Variants in CHD7 observed in about 807,000 individuals in gnomAD.
CHD7 encodes the protein chromodomain helicase DNA binding protein 7, also known as ATP-dependent chromatin remodeler CHD7.
CHD7 carries 24 observed loss-of-function variants against 307.3 expected under a neutral mutation model. That is an observed-to-expected ratio of 0.08 (90% confidence interval 0.06 to 0.11). CHD7 has a LOEUF of 0.11. CHD7 is among the 10% of genes least tolerant of loss of function. CHD7 has a pLI of 1.00. For missense variants in CHD7, 3,106 were observed against 3,727.1 expected (o/e 0.83, Z 4.34); for synonymous variants, 1,363 against 1,349.9 (o/e 1.01, Z -0.21).
At chr8:60,711,455 C>G (rs1807276459) in intron 1 of CHD7, among the ~76,000 whole-genome samples, 1 of 152,130 alleles carries the variant, frequency 6.6e-6, no homozygotes. Context: ...TTTCTGAGTA[C>G]TGATGAAAAC....
intron 19 of CHD7, 130 bp downstream of exon 19, chr8:60,838,385 C>A: frequency 1.2e-6 from 1 of 800,952 alleles, no homozygotes; most frequent in Non-Finnish European, 2.0e-6. Flanking sequence ...CCCTGTGGAA[C>A]CCCTGGCACA....
chr8:60,797,561 C>A (rs1460753023), intron 4 of CHD7, among the ~76,000 whole-genome samples: 2 of 152,146 alleles, frequency 1.3e-5, no homozygotes, highest in South Asian at 4.1e-4. Context: ...ACTTATATGG[C>A]ACAACACTGT....
intron 25 of CHD7, among the ~76,000 whole-genome samples, chr8:60,850,074 A>C (rs74618995): frequency 0.015 from 2,282 of 152,256 alleles, 58 homozygotes; most frequent in African/African-American, 0.052. Context: ...TCAGCCAGCC[A>C]TGCGAGTTCC....
At chr8:60,781,528 C>T (rs1027524513) in intron 3 of CHD7, 98 bp downstream of exon 3, 2 of 1,398,614 alleles carry the variant, frequency 1.4e-6, no homozygotes, top group Non-Finnish European at 1.9e-6. Flanking sequence ...GGAGGGGACA[C>T]AATGATTTTT....
At chr8:60,838,768 C>G (rs530433107) in intron 19 of CHD7, among the ~76,000 whole-genome samples, 1 of 152,242 alleles carries the variant, frequency 6.6e-6, no homozygotes, top group Non-Finnish European at 1.5e-5. Context: ...CAGCTTGCAC[C>G]TGTTCCCTGC....
At chr8:60,784,343 C>T (rs1811393312) in intron 3 of CHD7, among the ~76,000 whole-genome samples, 1 of 152,112 alleles carries the variant, frequency 6.6e-6, no homozygotes, top group Non-Finnish European at 1.5e-5. Context: ...AATTTTCCTA[C>T]AGAGAGCTAA....
At chr8:60,714,585 A>G (rs1293355371) in intron 1 of CHD7, among the ~76,000 whole-genome samples, 3 of 152,076 alleles carry the variant, frequency 2.0e-5, no homozygotes, top group African/African-American at 4.8e-5. Flanking sequence ...GCTTCTCGAA[A>G]TGGCCACACT....
At position 60,753,915 on chromosome 8, in the gene CHD7, G is replaced by A. The variant is rs571640355; in HGVS notation, c.1665+10818G>A. 1.2e-4 allele frequency among the ~76,000 whole-genome samples: 18 copies of A among 152,122 alleles called. 1 individual carries two copies. Among genetic ancestry groups the A allele is most frequent in the South Asian group, 4.2e-4 (2 of 4,816 alleles). ...GCTGGGTTTACAGGTGTGAGCCACC[G>A]CGCCCTGCTGCAAATCATTAAATCA... is the stretch of plus-strand genomic sequence containing the variant. On this transcript the variant is annotated intron_variant, in intron 2 of 37. Transcript: ENST00000423902.
In CHD7 at chr8:60,844,917, C is replaced by T; in HGVS notation, c.4904C>T (p.Thr1635Ile). Residue 1635 changes from threonine to isoleucine, a missense_variant, in exon 22 of 38, where the codon ACT becomes ATT. Physicochemically the swap from Thr to Ile is moderately conservative, Grantham distance 89 (BLOSUM62 -1). Coordinates refer to ENST00000423902, the MANE Select transcript of CHD7 (RefSeq NM_017780.4). The part of the protein sequence containing the change: ...LSHGRYKRQL[T>I]EQDVETICRT... ...CACGGACGCTATAAACGCCAACTCA[C>T]TGAGCAAGATGTAGAAACCATCTGC... 6.2e-7 allele frequency: 1 copy of T among 1,613,038 alleles called. No individual in the cohort carries two copies.
At position 60,822,605 on chromosome 8, in the gene CHD7, A is replaced by G. The variant is rs1176988572; in HGVS notation, c.3060A>G (p.Leu1020=). The G allele has an allele frequency of 6.2e-7, 1 of 1,613,746 alleles. No homozygotes were observed. The highest frequency in any genetic ancestry group is 2.2e-5 in the East Asian group (1 of 44,890). Residue 1020 remains leucine, a synonymous_variant, in exon 12 of 38, where the codon TTA becomes TTG. Coordinates refer to ENST00000423902, the MANE Select transcript of CHD7 (RefSeq NM_017780.4). The part of the protein sequence containing the change: ...IYLKGIHGPF[L]VIAPLSTIPN... ...TGAAAGGAATCCATGGCCCTTTTTTAGTAATTGCCCCATTGTCCACAATCC... is the reference window on the plus strand; with the variant it reads ...TGAAAGGAATCCATGGCCCTTTTTTGGTAATTGCCCCATTGTCCACAATCC...
chr8:60,846,251 G>A (rs1805207649), intron 23 of CHD7, among the ~76,000 whole-genome samples: 1 of 152,210 alleles, frequency 6.6e-6, no homozygotes, highest in Admixed American at 6.5e-5. Context: ...GCGTACAGTG[G>A]AGGGAAGACT....
At chr8:60,805,374 G>C (rs1812490339) in intron 6 of CHD7, among the ~76,000 whole-genome samples, 1 of 152,182 alleles carries the variant, frequency 6.6e-6, no homozygotes, top group Non-Finnish European at 1.5e-5. Context: ...CCATTAAACA[G>C]AACCAAGTGT....
At chr8:60,760,641 T>G (rs1406228975) in intron 2 of CHD7, among the ~76,000 whole-genome samples, 1 of 149,840 alleles carries the variant, frequency 6.7e-6, no homozygotes, top group Non-Finnish European at 1.5e-5. Context: ...TCAAACAAAT[T>G]TACAAGAAAA....
At chr8:60,799,310 T>A (rs1812184893) in intron 4 of CHD7, among the ~76,000 whole-genome samples, 1 of 152,210 alleles carries the variant, frequency 6.6e-6, no homozygotes, top group Admixed American at 6.5e-5. Context: ...TTTTGATAGA[T>A]AGGACCACAT....
chr8:60,733,111 T>C (rs1425633989), intron 1 of CHD7, among the ~76,000 whole-genome samples: 1 of 151,950 alleles, frequency 6.6e-6, no homozygotes, highest in Non-Finnish European at 1.5e-5. Context: ...GGTACACAAC[T>C]ATAGTCCCAA....
Position 60,856,626 on chromosome 8 carries a change from G to C in CHD7, c.7346G>C (p.Arg2449Thr), listed in dbSNP as rs727503870. The change falls in exon 34 of 38, where the codon AGA (arginine) becomes ACA (threonine). Residue 2449 changes from arginine to threonine, a missense_variant. Around this residue, in one of 10 missense-constraint regions of CHD7, gnomAD observed 1,030 missense variants for 1,165.4 expected, o/e 0.88. Coordinates refer to ENST00000423902, the MANE Select transcript of CHD7 (RefSeq NM_017780.4). ...EKVVDLSKAS[R>T]EATSSTSNFS... ...GTTGTAGATTTATCAAAGGCCTCAA[G>C]AGAGGCAACAAGCTCTACCTCAAAT... 4.5e-5 allele frequency: 72 copies of C among 1,613,896 alleles called. 1 individual carries two copies. The highest frequency in any genetic ancestry group is 4.4e-4 in the South Asian group (40 of 91,086).
At chr8:60,746,982 G>T (rs1809358671) in intron 2 of CHD7, among the ~76,000 whole-genome samples, 1 of 152,180 alleles carries the variant, frequency 6.6e-6, no homozygotes, top group Non-Finnish European at 1.5e-5. Flanking sequence ...AATTACTGGG[G>T]ACTCCAAAGA....
chr8:60,782,386 C>T (rs901706119), intron 3 of CHD7, among the ~76,000 whole-genome samples: 1 of 152,152 alleles, frequency 6.6e-6, no homozygotes, highest in Non-Finnish European at 1.5e-5. Flanking sequence ...TGCCCAAGTA[C>T]ACAAACAGAG....
intron 3 of CHD7, among the ~76,000 whole-genome samples, chr8:60,782,174 C>G (rs1253720900): frequency 6.6e-6 from 1 of 152,158 alleles, no homozygotes; most frequent in Non-Finnish European, 1.5e-5. Context: ...ATCTGTTTTT[C>G]AGAATGTGGC....
Sources: gnomAD v4.1 joint callset for allele counts (sites outside exome capture counted in the v4.1 genomes callset) on GRCh38, gnomAD v4.1.1 for gene constraint, gnomAD v4.1.1 regional missense constraint, MANE v1.5 for transcripts, NCBI Gene and HGNC (gene_info 2026-07-23, HGNC 2026-07-21) for gene names.